Variants in ASTN1 observed in about 807,000 individuals in gnomAD.
ASTN1 encodes the protein astrotactin 1, also known as astrotactin-1.
Under a neutral mutation model 140.7 loss-of-function variants are expected in ASTN1, and 41 were observed. The ratio of observed to expected loss-of-function variants is 0.29; its 90% CI spans 0.23 to 0.38. The LOEUF is 0.38. ASTN1 is among the 10% of genes least tolerant of loss of function. ASTN1 has a pLI of 1.00. For missense variants in ASTN1, 1,479 were observed against 1,678.8 expected (o/e 0.88, Z 2.08); for synonymous variants, 640 against 652.2 (o/e 0.98, Z 0.29).
chr1:177,071,736 T>C (rs956680539), intron 1 of ASTN1, among the ~76,000 whole-genome samples: 1 of 152,176 alleles, frequency 6.6e-6, no homozygotes, highest in Non-Finnish European at 1.5e-5. Flanking sequence ...ACTCTAAACC[T>C]TTCTGGTATT....
chr1:176,945,809 C>T (rs1047409420), intron 13 of ASTN1, 117 bp downstream of exon 13: 2 of 1,055,586 alleles, frequency 1.9e-6, no homozygotes, highest in South Asian at 1.8e-5. Context: ...TAGTCTATCC[C>T]TTTAGACATA....
chr1:177,004,279 A>G (rs1423742255), intron 8 of ASTN1, among the ~76,000 whole-genome samples: 1 of 152,122 alleles, frequency 6.6e-6, no homozygotes, highest in Non-Finnish European at 1.5e-5. Flanking sequence ...AAAGATCTCT[A>G]CAGGGAGAAC....
intron 2 of ASTN1, among the ~76,000 whole-genome samples, chr1:177,058,739 C>T (rs933994608): frequency 1.3e-5 from 2 of 152,104 alleles, no homozygotes; most frequent in African/African-American, 4.8e-5. Flanking sequence ...TGTTTGGTTA[C>T]ATGAGTAAGT....
chr1:177,075,220 T>C lies in ASTN1; in HGVS notation c.284-13955A>G, dbSNP rs1571745507. On this transcript the variant is annotated intron_variant, in intron 1 of 22. Transcript: ENST00000361833. ...TCCTGAGTAGCTGGGATTACAGGCA[T>C]GTGCCACCACGTCTGGCTAATTTTT... 2.6e-5 allele frequency among the ~76,000 whole-genome samples: 4 copies of C among 152,092 alleles called. No homozygotes were observed. The East Asian group carries it at 7.7e-4, about 29-fold the overall frequency.
chr1:176,881,696 T>C (rs1668806074), intron 20 of ASTN1, among the ~76,000 whole-genome samples: 1 of 152,252 alleles, frequency 6.6e-6, no homozygotes, highest in African/African-American at 2.4e-5. Context: ...CATCTGTGTC[T>C]ATATATACTG....
Position 177,023,551 on chromosome 1 carries a change from C to T in ASTN1, c.1291G>A (p.Glu431Lys), listed in dbSNP as rs527303672. Residue 431 changes from glutamate (E) to lysine (K), a missense_variant, in exon 7 of 23, where the codon GAG (glutamate) becomes AAG (lysine). Transcript: ENST00000361833. ...IADGSRFILL[E>K]GSQLDASDWL... ...TCACTGGCATCCAGCTGGCTCCCCT[C>T]CAGCAAGATGAAGCGGCTCCCTGCA... is the stretch of plus-strand genomic sequence containing the variant. The T allele has an allele frequency of 1.9e-6, 3 of 1,598,108 alleles. No individual in the cohort carries two copies. Among genetic ancestry groups the T allele is most frequent in the East Asian group, 2.3e-5 (1 of 44,414 alleles).
At chr1:177,040,034 T>C (rs1676898699) in intron 2 of ASTN1, among the ~76,000 whole-genome samples, 1 of 152,240 alleles carries the variant, frequency 6.6e-6, no homozygotes, top group African/African-American at 2.4e-5. Context: ...AAGATCCCTT[T>C]CCTGCCAGAA....
intron 22 of ASTN1, among the ~76,000 whole-genome samples, chr1:176,868,347 C>A (rs188552171): frequency 1.3e-5 from 2 of 152,150 alleles, no homozygotes; most frequent in Non-Finnish European, 1.5e-5. Context: ...ACACACTATG[C>A]GACCCTAGCT....
intron 8 of ASTN1, among the ~76,000 whole-genome samples, chr1:176,985,860 ACAC>A: frequency 6.8e-6 from 1 of 146,916 alleles, no homozygotes; most frequent in South Asian, 2.2e-4. Context: ...ACACACACAC[ACAC>A]ACACACACAC....
At chr1:176,985,823 T>C (rs573904272) in intron 8 of ASTN1, among the ~76,000 whole-genome samples, 1 of 149,866 alleles carries the variant, frequency 6.7e-6, no homozygotes, top group South Asian at 2.1e-4. Context: ...GCTATTTTAT[T>C]GGTTCTCTCT....
intron 1 of ASTN1, among the ~76,000 whole-genome samples, chr1:177,111,534 C>T (rs574522347): frequency 5.3e-5 from 8 of 152,274 alleles, no homozygotes; most frequent in South Asian, 2.1e-4. Flanking sequence ...TACTTACAAA[C>T]GAAGCCCTTC....
intron 2 of ASTN1, among the ~76,000 whole-genome samples, chr1:177,047,349 T>C (rs530841888): frequency 3.3e-5 from 5 of 151,256 alleles, no homozygotes; most frequent in Admixed American, 6.6e-5. Flanking sequence ...GCAAGGGAGG[T>C]CCACAAAATA....
downstream of ASTN1, chr1:176,857,744 T>C (rs1571419522): frequency 2.4e-6 from 1 of 423,604 alleles, no homozygotes; most frequent in Non-Finnish European, 4.3e-6. Context: ...GGAAAATGGA[T>C]GTGAGAACAA....
In ASTN1 at chr1:176,946,192, A is replaced by T. The variant is rs536044300; in HGVS notation, c.2055-72T>A. ...CCATGCAGGCAAGTCAACCCCGTAT[A>T]TTGGGAGGAAATGCCTTTGACAGCA... On this transcript the variant is annotated intron_variant, in intron 12 of 22. Coordinates refer to ENST00000361833, the MANE Select transcript of ASTN1 (RefSeq NM_004319.3). 8 of 1,345,482 alleles carry T rather than the reference A, an allele frequency of 5.9e-6. No homozygotes were observed. In the African/African-American group the frequency reaches 1.2e-4, roughly 19 times the overall value. The allele number at this position is 1,345,482 out of a possible 1,614,324, so 83.3% of individuals were successfully genotyped here.
At chr1:177,067,977 C>T (rs1032331339) in intron 1 of ASTN1, among the ~76,000 whole-genome samples, 21 of 152,134 alleles carry the variant, frequency 1.4e-4, no homozygotes, top group African/African-American at 4.8e-4. Flanking sequence ...GCTAAAATCC[C>T]GCATCCCAGA....
intron 21 of ASTN1, among the ~76,000 whole-genome samples, chr1:176,876,299 C>T (rs2103019400): frequency 6.6e-6 from 1 of 152,278 alleles, no homozygotes; most frequent in Middle Eastern, 3.4e-3. Flanking sequence ...TCATCAGTGT[C>T]TCCTATGGGC....
chr1:177,157,669 G>T (rs568543622), intron 1 of ASTN1, among the ~76,000 whole-genome samples: 1 of 152,054 alleles, frequency 6.6e-6, no homozygotes, highest in East Asian at 1.9e-4. Context: ...AGGAAAACAA[G>T]TATCAGGAAC....
rs142535792 is a variant in ASTN1, at chr1:177,141,423, A to G, written c.283+22971T>C. On this transcript the variant is annotated intron_variant, in intron 1 of 22. Coordinates refer to ENST00000361833, the MANE Select transcript of ASTN1 (RefSeq NM_004319.3). ...AGCATGCTGGTCTCTCTACCCTTGTACACATTGTTAAAAGAAGAGAAACAG... is the reference window on the plus strand; with the variant it reads ...AGCATGCTGGTCTCTCTACCCTTGTGCACATTGTTAAAAGAAGAGAAACAG... Among the ~76,000 whole-genome samples the G allele has an allele frequency of 6.5e-4, 99 of 152,218 alleles. 1 individual carries two copies. The highest frequency in any genetic ancestry group is 1.8e-3 in the Admixed American group (27 of 15,304).
intron 8 of ASTN1, among the ~76,000 whole-genome samples, chr1:176,970,731 G>GGGGT (rs1553235892): frequency 7.5e-4 from 111 of 147,242 alleles, no homozygotes; most frequent in Admixed American, 4.6e-3. Context: ...TGTGGGTATG[G>GGGGT]GTGTGTGTGT....
Sources: gnomAD v4.1 joint callset for allele counts (sites outside exome capture counted in the v4.1 genomes callset) on GRCh38, gnomAD v4.1.1 for gene constraint, MANE v1.5 for transcripts, NCBI Gene and HGNC (gene_info 2026-07-23, HGNC 2026-07-21) for gene names.